PRDM16: variants seen among roughly 807,000 people sequenced by gnomAD.
PRDM16 encodes PR/SET domain 16.
Under a neutral mutation model 110.6 loss-of-function variants are expected in PRDM16, and 23 were observed. The observed-to-expected ratio is 0.21, with a 90% confidence interval of 0.15 to 0.29. PRDM16 has a LOEUF of 0.29. Among genes scored for constraint, PRDM16 ranks in the 10% least tolerant of loss-of-function variants. The probability of loss-of-function intolerance (pLI) is 1.00; values close to 1 mark genes in which losing one functional copy is unlikely to be tolerated. For missense variants in PRDM16, 1,615 were observed against 1,794.3 expected (o/e 0.90, Z 1.81); for synonymous variants, 799 against 781.8 (o/e 1.02, Z -0.37).
At chr1:3,380,771 G>A (rs1014234293) in intron 3 of PRDM16, among the ~76,000 whole-genome samples, 2 of 152,230 alleles carry the variant, frequency 1.3e-5, no homozygotes, top group Non-Finnish European at 2.9e-5. Flanking sequence ...TGCAAGGTGA[G>A]GGGGGCATTA....
At chr1:3,402,719 C>A (rs1433909061) in intron 5 of PRDM16, 72 bp from the exon 6 acceptor site, 4 of 1,410,212 alleles carry the variant, frequency 2.8e-6, no homozygotes, top group South Asian at 1.3e-5. Flanking sequence ...GGGGCCAGGT[C>A]TCCAGAGTCC....
chr1:3,160,631 G>T lies in PRDM16; in HGVS notation c.38-25494G>T, dbSNP rs1424460504. ...AGGGGAGGCCTCTGGACATGGTCTG[G>T]GTGAGAAGCGCCATCTGGGTCCCTG... On this transcript the variant is annotated intron_variant, in intron 1 of 16. Transcript: ENST00000270722. Among the ~76,000 whole-genome samples, 2 of 152,208 alleles carry T rather than the reference G, an allele frequency of 1.3e-5. 1 individual carries two copies. The highest frequency in any genetic ancestry group is 6.3e-3 in the Middle Eastern group (2 of 316).
intron 1 of PRDM16, among the ~76,000 whole-genome samples, chr1:3,092,290 C>A (rs1050995413): frequency 6.9e-6 from 1 of 145,158 alleles, no homozygotes; most frequent in Non-Finnish European, 1.5e-5. Flanking sequence ...GGCTGCTCTT[C>A]GTGAGTCCCG....
chr1:3,251,943 G>C (rs915895062), intron 3 of PRDM16, among the ~76,000 whole-genome samples: 1 of 152,192 alleles, frequency 6.6e-6, no homozygotes. Flanking sequence ...TTTGGGCGGG[G>C]AGTTCTCTCT....
Position 3,245,766 on chromosome 1 carries a change from CAGTT to C in PRDM16, c.438+1632_438+1635del, listed in dbSNP as rs541988960. Reference sequence around the variant, plus strand: ...TTAAAGGACATAGAGGAGCAGGAAACAGTTAGCAGCGCTGCTGTATTTCCGAGAA... The same window carrying C: ...TTAAAGGACATAGAGGAGCAGGAAACAGCAGCGCTGCTGTATTTCCGAGAA... On this transcript the variant is annotated intron_variant, in intron 3 of 16. Transcript: ENST00000270722. The surrounding 1 kb of genome is among the most constrained non-coding windows in gnomAD (Gnocchi z 4.7). 5.8e-4 allele frequency among the ~76,000 whole-genome samples: 88 copies of C among 152,298 alleles called. No individual in the cohort carries two copies. Among genetic ancestry groups the C allele is most frequent in the Middle Eastern group, 3.4e-3 (1 of 294 alleles).
At chr1:3,105,945 G>T (rs1487121519) in intron 1 of PRDM16, among the ~76,000 whole-genome samples, 1 of 101,358 alleles carries the variant, frequency 9.9e-6, no homozygotes, top group Non-Finnish European at 1.8e-5. Context: ...TGTGCCCCGG[G>T]GTCCACCTGT....
intron 3 of PRDM16, among the ~76,000 whole-genome samples, chr1:3,325,936 G>A (rs1328837133): frequency 3.4e-5 from 5 of 149,176 alleles, no homozygotes; most frequent in East Asian, 2.0e-4. Context: ...GGCCCTCTTG[G>A]CCCTCCTTGG....
intron 5 of PRDM16, among the ~76,000 whole-genome samples, chr1:3,402,335 G>A (rs148504435): frequency 6.0e-4 from 92 of 152,354 alleles, no homozygotes; most frequent in African/African-American, 1.8e-3. Flanking sequence ...ATGCTGCCTC[G>A]TAAACTTAAT....
intron 1 of PRDM16, among the ~76,000 whole-genome samples, chr1:3,072,834 G>A (rs942036338): frequency 2.6e-5 from 4 of 152,374 alleles, no homozygotes; most frequent in South Asian, 4.1e-4. Context: ...GGGGCTGGCC[G>A]CCAGGGCTTG....
At chr1:3,352,153 T>C (rs1049767657) in intron 3 of PRDM16, among the ~76,000 whole-genome samples, 8 of 152,274 alleles carry the variant, frequency 5.3e-5, no homozygotes, top group Middle Eastern at 3.4e-3. Context: ...CCTGGCACAG[T>C]CCACCTGCCC....
chr1:3,123,774 G>T (rs1643146052), intron 1 of PRDM16, among the ~76,000 whole-genome samples: 2 of 152,270 alleles, frequency 1.3e-5, no homozygotes, highest in South Asian at 4.1e-4. Context: ...GTGCCCCAGG[G>T]CATTGCCCCA....
chr1:3,413,821 C>CACGGTAA (rs1226580678), intron 9 of PRDM16, among the ~76,000 whole-genome samples: 1 of 152,210 alleles, frequency 6.6e-6, no homozygotes, highest in Non-Finnish European at 1.5e-5. Context: ...TAGCCCTGCC[C>CACGGTAA]ACGGCCTCTG....
At chr1:3,281,113 G>C (rs1291621618) in intron 3 of PRDM16, among the ~76,000 whole-genome samples, 1 of 152,232 alleles carries the variant, frequency 6.6e-6, no homozygotes, top group Non-Finnish European at 1.5e-5. Context: ...TGGCATTCTG[G>C]ACTGTCAAGA....
At chr1:3,172,277 C>G (rs1206307850) in intron 1 of PRDM16, among the ~76,000 whole-genome samples, 4 of 152,110 alleles carry the variant, frequency 2.6e-5, no homozygotes, top group Non-Finnish European at 5.9e-5. Flanking sequence ...TTACCCCACT[C>G]CCAAGGTACA....
rs1294686655 is a variant in PRDM16 at position 3,208,883 on chromosome 1, C to A, written c.387+22409C>A. ...TGCCTGTCCAGAGGCCCCCCCAGGT[C>A]CCCACGAGTGGGTGGAAAGTCTTGG... On this transcript the variant is annotated intron_variant, in intron 2 of 16. Transcript: ENST00000270722. This position sits in a 1 kb window ranked among gnomAD's most constrained non-coding sequence, Gnocchi z 6.1. Among the ~76,000 whole-genome samples, 1 of 152,160 alleles carries A rather than the reference C, an allele frequency of 6.6e-6. No homozygotes were observed. Among genetic ancestry groups the A allele is most frequent in the Non-Finnish European group, 1.5e-5 (1 of 68,028 alleles).
intron 3 of PRDM16, among the ~76,000 whole-genome samples, chr1:3,292,572 TGAGAGTGGCTTGTCCAGAC>T (rs1050861558): frequency 7.9e-5 from 12 of 152,014 alleles, no homozygotes; most frequent in East Asian, 3.9e-4. Context: ...GCTGTCCGGA[TGAGAGTGGCTTGTCCAGAC>T]GAGAGTGGCT....
chr1:3,199,811 G>A (rs759417754), intron 2 of PRDM16, among the ~76,000 whole-genome samples: 8 of 152,192 alleles, frequency 5.3e-5, no homozygotes, highest in African/African-American at 1.4e-4. Context: ...ACATGGACAC[G>A]AGCACCATGC....
chr1:3,164,618 T>C (rs1643929627), intron 1 of PRDM16, among the ~76,000 whole-genome samples: 2 of 152,032 alleles, frequency 1.3e-5, no homozygotes, highest in South Asian at 2.1e-4. Flanking sequence ...CTGGAAACCA[T>C]GGTCGGAGGT....
chr1:3,227,424 G>A (rs541380340), intron 2 of PRDM16, among the ~76,000 whole-genome samples: 41 of 152,358 alleles, frequency 2.7e-4, no homozygotes, highest in Non-Finnish European at 3.5e-4. Context: ...TGACCCCCAC[G>A]GGCCTCCGTC....
Sources: allele counts gnomAD v4.1 joint callset (sites outside exome capture counted in the v4.1 genomes callset), GRCh38; gene constraint gnomAD v4.1.1; non-coding constraint Gnocchi (gnomAD v3.1); transcripts MANE v1.5; gene names NCBI Gene and HGNC (gene_info 2026-07-23, HGNC 2026-07-21).